The following HSD17B12 variants were observed in gnomAD, a reference collection of about 807,000 sequenced individuals.
The protein encoded by HSD17B12 is very-long-chain 3-oxoacyl-CoA reductase.
Under a neutral mutation model 39.3 loss-of-function variants are expected in HSD17B12, and 32 were observed. That is an observed-to-expected ratio of 0.81 (90% CI 0.61 to 1.09). The LOEUF (loss-of-function observed/expected upper bound fraction) is 1.09, where lower values mean the gene tolerates loss of function less well. Ranked by LOEUF, HSD17B12 falls within the 50% of genes least tolerant of loss-of-function variation. The pLI, the probability that HSD17B12 is intolerant of heterozygous loss-of-function variation, is 0.00. For synonymous variants in HSD17B12, 150 were observed against 146.7 expected (o/e 1.02, Z -0.16); for missense variants, 342 against 382.9 (o/e 0.89, Z 0.89).
intron 1 of HSD17B12, among the ~76,000 whole-genome samples, chr11:43,704,856 A>G (rs1949999379): frequency 6.6e-6 from 1 of 152,212 alleles, no homozygotes; most frequent in Admixed American, 6.5e-5. Context: ...ACTGAGGATC[A>G]CAGAGAAGAA....
At chr11:43,616,054 C>A in the HSD17B12 span, among the ~76,000 whole-genome samples, 1 of 152,230 alleles carries the variant, frequency 6.6e-6, no homozygotes, top group South Asian at 2.1e-4. Flanking sequence ...AAAGAGATAT[C>A]AAGCAAATAT....
the HSD17B12 span, among the ~76,000 whole-genome samples, chr11:43,568,343 T>C: frequency 6.6e-6 from 1 of 152,092 alleles, no homozygotes; most frequent in Non-Finnish European, 1.5e-5. Flanking sequence ...CCTCAAGTGA[T>C]CCACCCGCCT....
the HSD17B12 span, among the ~76,000 whole-genome samples, chr11:43,602,446 T>C: frequency 6.6e-6 from 1 of 152,168 alleles, no homozygotes; most frequent in African/African-American, 2.4e-5. Flanking sequence ...AACTCATTAA[T>C]TTGTGGAGTG....
At chr11:43,659,448 G>T in the HSD17B12 span, among the ~76,000 whole-genome samples, 1 of 152,172 alleles carries the variant, frequency 6.6e-6, no homozygotes, top group Non-Finnish European at 1.5e-5. Context: ...CGGTACCTCA[G>T]TTGGAAATGC....
the HSD17B12 span, among the ~76,000 whole-genome samples, chr11:43,626,153 TG>T: frequency 6.6e-6 from 1 of 151,632 alleles, no homozygotes; most frequent in Non-Finnish European, 1.5e-5. Flanking sequence ...TATATCTGCT[TG>T]TAAGACAATT....
chr11:43,645,662 C>T, the HSD17B12 span: 1 of 152,092 alleles, frequency 6.6e-6, no homozygotes, highest in African/African-American at 2.4e-5. Flanking sequence ...TTATAACTCC[C>T]CTATTGTCTG....
intron 1 of HSD17B12, among the ~76,000 whole-genome samples, chr11:43,685,859 C>G (rs1949793097): frequency 6.6e-6 from 1 of 152,134 alleles, no homozygotes; most frequent in South Asian, 2.1e-4. Flanking sequence ...AGAACAATCT[C>G]AGACCAAAAA....
chr11:43,823,542 A>T (rs1951203341), intron 6 of HSD17B12, among the ~76,000 whole-genome samples: 1 of 152,098 alleles, frequency 6.6e-6, no homozygotes, highest in Admixed American at 6.6e-5. Flanking sequence ...AAGTGCTGGG[A>T]TTACCAGTGT....
Position 43,708,374 on chromosome 11 carries a change from A to C in HSD17B12, c.160+27387A>C, listed in dbSNP as rs1463761532. ...TTATCTAGAAGGGCAGTAACTATGTATCTCTTTATTAATCTTTCTCCTAAA... is the reference window on the plus strand; with the variant it reads ...TTATCTAGAAGGGCAGTAACTATGTCTCTCTTTATTAATCTTTCTCCTAAA... On this transcript the variant is annotated intron_variant, in intron 1 of 10. Transcript: ENST00000278353. Among the ~76,000 whole-genome samples the C allele has an allele frequency of 3.3e-5, 5 of 152,226 alleles. No homozygotes were observed. The East Asian group carries it at 9.6e-4, about 29-fold the overall frequency.
At chr11:43,581,660 C>A in the HSD17B12 span, among the ~76,000 whole-genome samples, 74 of 152,182 alleles carry the variant, frequency 4.9e-4, 1 homozygote, top group East Asian at 0.014. The surrounding 1 kb of genome is among the most constrained non-coding windows in gnomAD (Gnocchi z 4.9). Flanking sequence ...CCGAGCGAGT[C>A]CCCCGCCCCC....
Position 43,757,879 on chromosome 11 carries a change from A to G in HSD17B12, c.283+3758A>G, listed in dbSNP as rs183998714. Among the ~76,000 whole-genome samples the G allele has an allele frequency of 7.1e-4, 108 of 152,234 alleles. 1 individual carries two copies. In the East Asian group the frequency reaches 0.019, roughly 27 times the overall value. On this transcript the variant is annotated intron_variant, in intron 3 of 10. Coordinates refer to ENST00000278353, the MANE Select transcript of HSD17B12 (RefSeq NM_016142.3). Reference sequence around the variant, plus strand: ...GCTAGAATAACGGCCTGTTGCCCATATAACAGCACTCCAGTAACAAAACTG... The same window carrying G: ...GCTAGAATAACGGCCTGTTGCCCATGTAACAGCACTCCAGTAACAAAACTG...
chr11:43,636,985 CT>C, the HSD17B12 span, among the ~76,000 whole-genome samples: 1 of 152,130 alleles, frequency 6.6e-6, no homozygotes, highest in Non-Finnish European at 1.5e-5. Flanking sequence ...GCCGTTCAAA[CT>C]TGGATCTCAT....
intron 10 of HSD17B12, 62 bp from the exon 11 acceptor site, chr11:43,855,082 T>A: frequency 5.7e-6 from 7 of 1,233,574 alleles, no homozygotes; most frequent in Middle Eastern, 1.9e-4. Flanking sequence ...TTAAATCATA[T>A]GCTTCAATTT....
chr11:43,713,739 A>G (rs1400627954), intron 1 of HSD17B12, among the ~76,000 whole-genome samples: 1 of 152,206 alleles, frequency 6.6e-6, no homozygotes, highest in Non-Finnish European at 1.5e-5. Flanking sequence ...TTACCGTCCC[A>G]CCAACAGTGT....
chr11:43,626,081 T>C, the HSD17B12 span, among the ~76,000 whole-genome samples: 1 of 151,616 alleles, frequency 6.6e-6, no homozygotes, highest in Non-Finnish European at 1.5e-5. Context: ...TAAGATGGTA[T>C]TAATTGCTTA....
the HSD17B12 span, among the ~76,000 whole-genome samples, chr11:43,621,803 A>G: frequency 6.6e-6 from 1 of 152,256 alleles, no homozygotes; most frequent in Non-Finnish European, 1.5e-5. Context: ...GGCCTGAAAG[A>G]TATCTTTTTT....
chr11:43,582,289 A>T, the HSD17B12 span, among the ~76,000 whole-genome samples: 4 of 152,332 alleles, frequency 2.6e-5, no homozygotes, highest in African/African-American at 9.6e-5. Flanking sequence ...CAGCAGCAGC[A>T]GCAGCCCCAT....
At chr11:43,791,489 A>G (rs11037642) in intron 3 of HSD17B12, among the ~76,000 whole-genome samples, 2,751 of 152,036 alleles carry the variant, frequency 0.018, 76 homozygotes, top group African/African-American at 0.048. Context: ...CTGAGATCAC[A>G]CTACTGCACT....
the HSD17B12 span, among the ~76,000 whole-genome samples, chr11:43,632,173 A>C: frequency 2.6e-5 from 4 of 152,200 alleles, no homozygotes; most frequent in Non-Finnish European, 5.9e-5. Context: ...CTATTTAAGG[A>C]GATAAACAAT....
Sources: allele counts gnomAD v4.1 joint callset (sites outside exome capture counted in the v4.1 genomes callset), GRCh38; gene constraint gnomAD v4.1.1; non-coding constraint Gnocchi (gnomAD v3.1); transcripts MANE v1.5; gene names NCBI Gene and HGNC (gene_info 2026-07-23, HGNC 2026-07-21).